Variants in HIVEP1 observed in about 807,000 individuals in gnomAD.
The protein encoded by HIVEP1 is zinc finger protein 40.
HIVEP1 carries 36 observed loss-of-function variants against 180.0 expected under a neutral mutation model. The observed-to-expected ratio is 0.20, with a 90% confidence interval of 0.15 to 0.26. HIVEP1 has a LOEUF of 0.26. HIVEP1 is among the 10% of genes least tolerant of loss of function. The pLI is 1.00. For missense variants in HIVEP1, 3,143 were observed against 3,268.7 expected, an observed-to-expected ratio of 0.96 and a Z score of 0.94; for synonymous variants, 1,239 against 1,239.0, an observed-to-expected ratio of 1.00 and a Z score of 0.00.
At chr6:12,187,859 T>C in the HIVEP1 span, among the ~76,000 whole-genome samples, 1 of 152,180 alleles carries the variant, frequency 6.6e-6, no homozygotes, top group African/African-American at 2.4e-5. Flanking sequence ...GTGTTGGGAT[T>C]ACAGGTGTGA....
At chr6:12,102,445 T>G (rs1774166665) in intron 3 of HIVEP1, among the ~76,000 whole-genome samples, 1 of 152,162 alleles carries the variant, frequency 6.6e-6, no homozygotes, top group Non-Finnish European at 1.5e-5. Context: ...TGTACTGATG[T>G]GAAAAAATTC....
intron 6 of HIVEP1, among the ~76,000 whole-genome samples, chr6:12,131,421 TC>T (rs1267822150): frequency 1.4e-5 from 2 of 140,332 alleles, no homozygotes; most frequent in Non-Finnish European, 3.3e-5. Context: ...CCATTTTTTT[TC>T]ACAATGCTTT....
At chr6:12,084,133 T>C (rs1248439635) in intron 2 of HIVEP1, among the ~76,000 whole-genome samples, 1 of 152,176 alleles carries the variant, frequency 6.6e-6, no homozygotes, top group Non-Finnish European at 1.5e-5. Context: ...ATGGCAACTC[T>C]CTCAGCTTTG....
chr6:12,137,855 G>A (rs1682867705), intron 7 of HIVEP1, among the ~76,000 whole-genome samples: 1 of 152,006 alleles, frequency 6.6e-6, no homozygotes, highest in South Asian at 2.1e-4. Flanking sequence ...AAACATATTT[G>A]GAGATTTTTT....
chr6:12,070,244 CATT>C (rs1346760433), intron 2 of HIVEP1, among the ~76,000 whole-genome samples: 2 of 152,166 alleles, frequency 1.3e-5, no homozygotes, highest in Non-Finnish European at 1.5e-5. Context: ...CATTTACTAT[CATT>C]ATCAAGCATT....
chr6:12,193,789 T>C, the HIVEP1 span, among the ~76,000 whole-genome samples: 1 of 152,190 alleles, frequency 6.6e-6, no homozygotes, highest in African/African-American at 2.4e-5. Flanking sequence ...ATATGCAAGT[T>C]ATGAGAAAGA....
At chr6:12,181,766 A>G in the HIVEP1 span, among the ~76,000 whole-genome samples, 3 of 152,186 alleles carry the variant, frequency 2.0e-5, no homozygotes, top group African/African-American at 7.2e-5. Flanking sequence ...ATAGTGATAC[A>G]AGTTGCAAAG....
At chr6:12,008,075 G>C (rs1038109744), upstream of HIVEP1, 7 of 152,136 alleles carry the variant, frequency 4.6e-5, no homozygotes, top group African/African-American at 1.7e-4. Flanking sequence ...TGTTTTGTTA[G>C]TGATGGTCCC....
chr6:12,018,881 A>G (rs1768008364), intron 2 of HIVEP1, among the ~76,000 whole-genome samples: 1 of 152,226 alleles, frequency 6.6e-6, no homozygotes, highest in Non-Finnish European at 1.5e-5. Flanking sequence ...GAGAATCAGG[A>G]GGAATCAGAT....
At chr6:12,073,552 C>T (rs1212936329) in intron 2 of HIVEP1, among the ~76,000 whole-genome samples, 1 of 152,156 alleles carries the variant, frequency 6.6e-6, no homozygotes, top group African/African-American at 2.4e-5. Context: ...GGCCGTTGCC[C>T]TGGGGGAAAG....
chr6:12,149,905 A>G (rs1034497851), intron 7 of HIVEP1, among the ~76,000 whole-genome samples: 5 of 152,184 alleles, frequency 3.3e-5, no homozygotes, highest in Non-Finnish European at 7.3e-5. Context: ...ACCCTTAGCA[A>G]CAGCAGGCTG....
At chr6:12,041,197 G>A (rs1769670758) in intron 2 of HIVEP1, among the ~76,000 whole-genome samples, 1 of 152,018 alleles carries the variant, frequency 6.6e-6, no homozygotes, top group Admixed American at 6.5e-5. Context: ...TGAGGCAGGC[G>A]GATCACAAGG....
intron 3 of HIVEP1, among the ~76,000 whole-genome samples, chr6:12,117,289 C>T (rs764232792): frequency 2.4e-4 from 37 of 152,088 alleles, no homozygotes; most frequent in African/African-American, 7.5e-4. Context: ...GTATAAACAA[C>T]GATACAGATA....
the HIVEP1 span, among the ~76,000 whole-genome samples, chr6:12,176,264 G>A: frequency 7.5e-6 from 1 of 134,096 alleles, no homozygotes; most frequent in African/African-American, 2.8e-5. Context: ...ACGAAGTCTC[G>A]CTCTTGTCCC....
intron 2 of HIVEP1, among the ~76,000 whole-genome samples, chr6:12,057,897 T>G (rs1273997689): frequency 6.6e-6 from 1 of 152,208 alleles, no homozygotes; most frequent in Admixed American, 6.5e-5. Flanking sequence ...GGAAGAACGT[T>G]TAGAGTAGCA....
intron 7 of HIVEP1, among the ~76,000 whole-genome samples, chr6:12,152,179 G>A (rs572281248): frequency 6.6e-6 from 1 of 152,050 alleles, no homozygotes; most frequent in South Asian, 2.1e-4. Flanking sequence ...AACAAAAAAA[G>A]ACAACAACAA....
Position 12,113,113 on chromosome 6 carries a change from C to T in HIVEP1, c.95-6777C>T, listed in dbSNP as rs530592320. ...CTCATGTGAGCACCTGGTGCGGGCC[C>T]ATGTTAAAGAGCCTGTAAGTGAGTG... On this transcript the variant is annotated intron_variant, in intron 3 of 8. Coordinates refer to ENST00000379388, the MANE Select transcript of HIVEP1 (RefSeq NM_002114.4). Among the ~76,000 whole-genome samples the T allele has an allele frequency of 3.3e-5, 5 of 151,762 alleles. No homozygotes were observed. In the East Asian group the frequency reaches 7.7e-4, roughly 23 times the overall value.
At chr6:12,054,017 C>T (rs768262038) in intron 2 of HIVEP1, among the ~76,000 whole-genome samples, 2 of 152,184 alleles carry the variant, frequency 1.3e-5, no homozygotes, top group Non-Finnish European at 2.9e-5. Flanking sequence ...TTATCTTTCC[C>T]TTCTCCATTT....
Position 12,149,923 on chromosome 6 carries a change from C to T in HIVEP1, c.6488-11516C>T, listed in dbSNP as rs115796894. ...CTTAGCAACAGCAGGCTGCGCGGTA[C>T]CTGTCTTATCTTTTAGCAGATGGAA... On this transcript the variant is annotated intron_variant, in intron 7 of 8. Coordinates refer to ENST00000379388, the MANE Select transcript of HIVEP1 (RefSeq NM_002114.4). 3.3e-3 allele frequency among the ~76,000 whole-genome samples: 509 copies of T among 152,286 alleles called. 2 individuals carry two copies. The highest frequency in any genetic ancestry group is 0.012 in the African/African-American group (485 of 41,552).
Sources: gnomAD v4.1 joint callset for allele counts (sites outside exome capture counted in the v4.1 genomes callset) on GRCh38, gnomAD v4.1.1 for gene constraint, MANE v1.5 for transcripts, NCBI Gene and HGNC (gene_info 2026-07-23, HGNC 2026-07-21) for gene names.